The following SLC66A2 variants were observed in gnomAD, a reference collection of about 807,000 sequenced individuals.
The protein encoded by SLC66A2 is solute carrier family 66 member 2.
Under a neutral mutation model 25.5 loss-of-function variants are expected in SLC66A2, and 23 were observed. The observed-to-expected ratio is 0.90, with a 90% CI of 0.65 to 1.28. The LOEUF (loss-of-function observed/expected upper bound fraction) is 1.28, where lower values mean the gene tolerates loss of function less well. Among genes scored for constraint, SLC66A2 ranks in the 50% most tolerant of loss-of-function variants. The pLI is 0.00. For synonymous variants in SLC66A2, 193 were observed against 166.5 expected, an observed-to-expected ratio of 1.16 and a Z score of -1.23; for missense variants, 396 against 373.1, an observed-to-expected ratio of 1.06 and a Z score of -0.51.
chr18:79,913,124 G>A (rs1273196590), intron 5 of SLC66A2, among the ~76,000 whole-genome samples: 15 of 152,132 alleles, frequency 9.9e-5, no homozygotes, highest in Admixed American at 9.8e-4. Context: ...CTCCTTGCGG[G>A]GCGGCCTGAG....
In SLC66A2 at chr18:79,943,372, G is replaced by C. The variant is rs770278497; in HGVS notation, c.294C>G (p.Val98=). 1.2e-6 allele frequency: 2 copies of C among 1,614,178 alleles called. No individual in the cohort carries two copies. The highest frequency in any genetic ancestry group is 1.7e-6 in the Non-Finnish European group (2 of 1,180,022). ...MLLMLKLCTE[V]RVANELNARR... ...TGGCGTTGAGCTCGTTGGCCACACG[G>C]ACCTCGGTGCACAGCTTCAGCATCA... The change falls in exon 3 of 6, where the codon GTC becomes GTG. Residue 98 remains valine, a synonymous_variant. Transcript: ENST00000397778.
Position 79,903,848 on chromosome 18 carries a change from G to A in SLC66A2, c.*128C>T, listed in dbSNP as rs552824202. 1.3e-5 allele frequency: 10 copies of A among 780,234 alleles called. No individual in the cohort carries two copies. The highest frequency in any genetic ancestry group is 2.0e-5 in the Non-Finnish European group (10 of 497,160). 48.3% of individuals were successfully genotyped at this position (780,234 alleles called of 1,614,324 possible). On this transcript the variant is annotated 3_prime_UTR_variant, in exon 6 of 6. Transcript: ENST00000397778. The stretch of plus-strand genomic sequence containing the variant: ...CTGAGACACCCCACAGAGGCTGATG[G>A]AGACCCCAATGCCCATGCCCCATCT...
chr18:79,916,262 AGTGCTCCCGTACCCGTG>A (rs1175238532), intron 5 of SLC66A2, among the ~76,000 whole-genome samples: 590 of 43,390 alleles, frequency 0.014, 11 homozygotes, highest in Admixed American at 0.058. Context: ...TCATAGCCGC[AGTGCTCCCGTACCCGTG>A]GTGCTCCCGT....
chr18:79,942,284 C>T (rs370917290), intron 3 of SLC66A2, among the ~76,000 whole-genome samples: 17 of 152,242 alleles, frequency 1.1e-4, no homozygotes, highest in East Asian at 5.8e-4. Context: ...AACAGAACAC[C>T]GCAGAAAAGA....
intron 2 of SLC66A2, among the ~76,000 whole-genome samples, chr18:79,950,063 C>T (rs12968195): frequency 0.023 from 3,477 of 152,278 alleles, 48 homozygotes; most frequent in African/African-American, 0.032. Context: ...ATAAGGCAGG[C>T]CAGGCGCCGT....
At chr18:79,916,025 C>T (rs369729733) in intron 5 of SLC66A2, 13 of 214,500 alleles carry the variant, frequency 6.1e-5, no homozygotes, top group Non-Finnish European at 8.7e-5. Flanking sequence ...CTCCCGTACC[C>T]TCCCATACCC....
In SLC66A2 at chr18:79,937,105, C is replaced by A. The variant is rs1049313842; in HGVS notation, c.338-3083G>T. Reference sequence around the variant, plus strand: ...AAGTATTTCACCTCACCAAAAAAAACTCCCTAGCTCCATCCACTGAAAAAG... The same window carrying A: ...AAGTATTTCACCTCACCAAAAAAAAATCCCTAGCTCCATCCACTGAAAAAG... On this transcript the variant is annotated intron_variant, in intron 3 of 5. Coordinates refer to ENST00000397778, the MANE Select transcript of SLC66A2 (RefSeq NM_025078.5). This position sits in a 1 kb window ranked among gnomAD's most constrained non-coding sequence, Gnocchi z 5.4. Among the ~76,000 whole-genome samples the A allele has an allele frequency of 1.8e-4, 28 of 152,260 alleles. No homozygotes were observed. Among genetic ancestry groups the A allele is most frequent in the African/African-American group, 6.7e-4 (28 of 41,552 alleles).
intron 3 of SLC66A2, 116 bp from the exon 4 acceptor site, chr18:79,934,138 A>AC: frequency 1.2e-6 from 1 of 827,494 alleles, no homozygotes; most frequent in South Asian, 1.6e-5. Context: ...TAAAAAAAAA[A>AC]AAACAAACCA....
At chr18:79,923,399 C>G (rs971507297) in intron 4 of SLC66A2, among the ~76,000 whole-genome samples, 6 of 151,912 alleles carry the variant, frequency 3.9e-5, no homozygotes, top group Non-Finnish European at 8.8e-5. Context: ...CGGTGGGCTG[C>G]GGACACAGGA....
At chr18:79,929,979 C>T (rs1204047838) in intron 4 of SLC66A2, among the ~76,000 whole-genome samples, 3 of 151,748 alleles carry the variant, frequency 2.0e-5, no homozygotes, top group African/African-American at 7.3e-5. Flanking sequence ...GAAAGGGCAC[C>T]GGCACATGCA....
At chr18:79,914,264 A>G (rs532634366) in intron 5 of SLC66A2, among the ~76,000 whole-genome samples, 2 of 152,304 alleles carry the variant, frequency 1.3e-5, no homozygotes, top group South Asian at 2.1e-4. Context: ...TAAATACGTC[A>G]TCTTAAACAC....
At chr18:79,922,222 G>A (rs904234102) in intron 4 of SLC66A2, among the ~76,000 whole-genome samples, 8 of 151,094 alleles carry the variant, frequency 5.3e-5, no homozygotes, top group South Asian at 2.1e-4. Context: ...AGGGAGGATC[G>A]CTTGAGCCCA....
Position 79,916,225 on chromosome 18 carries a change from T to C in SLC66A2, c.608+2959A>G, listed in dbSNP as rs76266197. 3.3e-3 allele frequency among the ~76,000 whole-genome samples: 235 copies of C among 72,052 alleles called. 16 individuals carry two copies. The highest frequency in any genetic ancestry group is 8.3e-3 in the African/African-American group (174 of 20,842). The allele number at this position is 72,052 out of a possible 152,430, so 47.3% of individuals were successfully genotyped here. ...CCCGTACCCGCGGCGCTCTTGTACC[T>C]GCGGCACTCCCGTACCCGTGGTGCT... On this transcript the variant is annotated intron_variant, in intron 5 of 5. Coordinates refer to ENST00000397778, the MANE Select transcript of SLC66A2 (RefSeq NM_025078.5).
In SLC66A2 at chr18:79,927,271, G is replaced by T. The variant is rs1986069254; in HGVS notation, c.391+6698C>A. Among the ~76,000 whole-genome samples the T allele has an allele frequency of 6.6e-6, 1 of 151,908 alleles. No individual in the cohort carries two copies. The highest frequency in any genetic ancestry group is 1.5e-5 in the Non-Finnish European group (1 of 68,032). ...CAGCAGGACCCCAGGCGGGCACACA[G>T]GGGCTCATCTGGAGGGACCTGAGGG... On this transcript the variant is annotated intron_variant, in intron 4 of 5. Transcript: ENST00000397778. This position sits in a 1 kb window ranked among gnomAD's most constrained non-coding sequence, Gnocchi z 6.2.
chr18:79,951,181 G>A (rs1419206756), intron 1 of SLC66A2, among the ~76,000 whole-genome samples, 156 bp from the exon 2 acceptor site: 1 of 151,670 alleles, frequency 6.6e-6, no homozygotes, highest in Non-Finnish European at 1.5e-5. Context: ...GGGACGGGGG[G>A]GTGTCTGGGG....
At chr18:79,950,615 G>C (rs141848961) in intron 2 of SLC66A2, 109 bp downstream of exon 2, 1 of 1,029,464 alleles carries the variant, frequency 9.7e-7, no homozygotes, top group Non-Finnish European at 1.5e-6. Flanking sequence ...TGGGACGCTG[G>C]CCCAGCAGGG....
chr18:79,912,027 A>AGGGGACAGGAGCAGGGAG (rs1646254836), intron 5 of SLC66A2, among the ~76,000 whole-genome samples: 1 of 126,738 alleles, frequency 7.9e-6, no homozygotes, highest in Non-Finnish European at 1.6e-5. Flanking sequence ...AGCAGCAGGA[A>AGGGGACAGGAGCAGGGAG]GGGGACAGGA....
In SLC66A2 at chr18:79,934,523, C is replaced by T. The variant is rs556265761; in HGVS notation, c.338-501G>A. Among the ~76,000 whole-genome samples the T allele has an allele frequency of 3.3e-5, 5 of 152,332 alleles. No individual in the cohort carries two copies. The East Asian group carries it at 9.7e-4, about 29-fold the overall frequency. On this transcript the variant is annotated intron_variant, in intron 3 of 5. Transcript: ENST00000397778. The stretch of plus-strand genomic sequence containing the variant: ...CTGTAAAAGGACAGCTGGTTCCGCA[C>T]ATGCACTTGACAAGCACCTCTGCAC...
At position 79,918,902 on chromosome 18, in the gene SLC66A2, C is replaced by T. The variant is rs1218552329; in HGVS notation, c.608+282G>A. ...TGCCCCGTCTGGCCAGGCACTCGGA[C>T]ATCCCTCCCACTGGAAGGTTCCGTC... On this transcript the variant is annotated intron_variant, in intron 5 of 5. Transcript: ENST00000397778. The surrounding 1 kb of genome is among the most constrained non-coding windows in gnomAD (Gnocchi z 4.0). 6.6e-6 allele frequency among the ~76,000 whole-genome samples: 1 copy of T among 152,232 alleles called. No homozygotes were observed. The highest frequency in any genetic ancestry group is 1.5e-5 in the Non-Finnish European group (1 of 68,040).
Sources: gnomAD v4.1 joint callset for allele counts (sites outside exome capture counted in the v4.1 genomes callset) on GRCh38, gnomAD v4.1.1 for gene constraint, Gnocchi (gnomAD v3.1) non-coding constraint, MANE v1.5 for transcripts, NCBI Gene and HGNC (gene_info 2026-07-23, HGNC 2026-07-21) for gene names.